SSBP2: variants seen among roughly 807,000 people sequenced by gnomAD.
SSBP2 encodes single stranded DNA binding protein 2.
Under a neutral mutation model 61.8 loss-of-function variants are expected in SSBP2, and 17 were observed. That is an observed-to-expected ratio of 0.28 (90% CI 0.19 to 0.41). The LOEUF is 0.41. Among genes scored for constraint, SSBP2 ranks in the 10% least tolerant of loss-of-function variants. SSBP2 has a pLI of 1.00. For synonymous variants in SSBP2, 139 were observed against 141.3 expected (o/e 0.98, Z 0.12); for missense variants, 310 against 458.7 (o/e 0.68, Z 2.96).
intron 4 of SSBP2, among the ~76,000 whole-genome samples, chr5:81,560,342 A>C (rs999641921): frequency 1.3e-5 from 2 of 152,178 alleles, no homozygotes; most frequent in African/African-American, 4.8e-5. Context: ...TTTAGATAGG[A>C]ACAGTCCTGT....
intron 4 of SSBP2, among the ~76,000 whole-genome samples, chr5:81,545,641 G>A (rs1274918848): frequency 1.3e-5 from 2 of 152,010 alleles, no homozygotes; most frequent in Non-Finnish European, 2.9e-5. Context: ...ATATACTCTG[G>A]GATATATATA....
intron 15 of SSBP2, among the ~76,000 whole-genome samples, chr5:81,436,096 G>A (rs764602192): frequency 1.3e-5 from 2 of 149,966 alleles, no homozygotes; most frequent in African/African-American, 2.5e-5. Flanking sequence ...GCTGAGATAG[G>A]AGAATTGCTT....
chr5:81,597,656 C>T (rs1459434999), intron 4 of SSBP2, among the ~76,000 whole-genome samples: 6 of 152,112 alleles, frequency 3.9e-5, no homozygotes, highest in Admixed American at 1.3e-4. Context: ...GGCACACATA[C>T]ACCATGGAAT....
rs949192264 is a variant in SSBP2 at position 81,730,518 on chromosome 5, C to T, written c.62+20463G>A. On this transcript the variant is annotated intron_variant, in intron 1 of 16. Coordinates refer to ENST00000320672, the MANE Select transcript of SSBP2 (RefSeq NM_012446.5). ...GCTATTGCAGGCCTGAGCCACCACA[C>T]CTGGTCTTGAAATGTTTACATAGTC... 3.9e-4 allele frequency among the ~76,000 whole-genome samples: 60 copies of T among 152,312 alleles called. 1 individual carries two copies. Among genetic ancestry groups the T allele is most frequent in the African/African-American group, 1.3e-3 (54 of 41,576 alleles).
At chr5:81,594,140 G>C (rs192486054) in intron 4 of SSBP2, among the ~76,000 whole-genome samples, 113 of 152,298 alleles carry the variant, frequency 7.4e-4, no homozygotes, top group African/African-American at 2.6e-3. Flanking sequence ...TAAAGGGATA[G>C]AAGAAGATCT....
intron 16 of SSBP2, 55 bp downstream of exon 16, chr5:81,428,530 G>T: frequency 7.2e-7 from 1 of 1,390,574 alleles, no homozygotes; most frequent in Non-Finnish European, 1.0e-6. Context: ...ATTTATTCTA[G>T]CAGAAGAGCT....
intron 4 of SSBP2, among the ~76,000 whole-genome samples, chr5:81,528,453 A>G (rs1770129196): frequency 6.6e-6 from 1 of 152,052 alleles, no homozygotes; most frequent in African/African-American, 2.4e-5. Context: ...TTAACATTCA[A>G]TGTTAAGTTA....
intron 4 of SSBP2, among the ~76,000 whole-genome samples, chr5:81,547,949 G>C (rs1237673080): frequency 6.6e-6 from 1 of 152,050 alleles, no homozygotes; most frequent in Non-Finnish European, 1.5e-5. Context: ...GGATTTTTAG[G>C]GCAGTGAAAC....
At position 81,751,037 on chromosome 5, in the gene SSBP2, G is replaced by C; in HGVS notation, c.6C>G (p.Tyr2Ter). The C allele has an allele frequency of 6.3e-7, 1 of 1,595,140 alleles. No individual in the cohort carries two copies. The change falls in exon 1 of 17, where the codon TAC becomes TAG. Residue 2 changes from tyrosine (Y) to a stop codon, truncating the protein, a stop_gained. Coordinates refer to ENST00000320672, the MANE Select transcript of SSBP2 (RefSeq NM_012446.5). LOFTEE classifies it high-confidence loss of function. The stretch of plus-strand genomic sequence containing the variant: ...CGCTGCTGTTACTCTTGCCTTTGCC[G>C]TACATGCTTGTGCCGAGAGCAGCTC...
At chr5:81,510,404 C>G (rs1308957873) in intron 5 of SSBP2, among the ~76,000 whole-genome samples, 1 of 152,150 alleles carries the variant, frequency 6.6e-6, no homozygotes, top group Non-Finnish European at 1.5e-5. Flanking sequence ...TTCTGTCTCT[C>G]AAATCTACTT....
intron 13 of SSBP2, among the ~76,000 whole-genome samples, chr5:81,442,364 T>C (rs1763089897): frequency 6.6e-6 from 1 of 152,104 alleles, no homozygotes; most frequent in Non-Finnish European, 1.5e-5. Flanking sequence ...ACATAACCTG[T>C]CATTTTCAAA....
intron 6 of SSBP2, among the ~76,000 whole-genome samples, chr5:81,481,345 G>A (rs113007521): frequency 0.016 from 2,488 of 152,224 alleles, 44 homozygotes; most frequent in South Asian, 0.098. Context: ...GAACTGGACG[G>A]GTGCAGTGGC....
At chr5:81,561,857 T>C (rs1183560447) in intron 4 of SSBP2, among the ~76,000 whole-genome samples, 2 of 152,178 alleles carry the variant, frequency 1.3e-5, no homozygotes, top group Non-Finnish European at 2.9e-5. Context: ...AAAAATCACA[T>C]AAAACATGAA....
intron 3 of SSBP2, among the ~76,000 whole-genome samples, chr5:81,633,108 CTTTTTTTTTTTTTTTTT>C (rs143423636): frequency 1.5e-5 from 1 of 64,830 alleles, no homozygotes. Context: ...GAGCCTCTGT[CTTTTTTTTTTTTTTTTT>C]TTTTTTTTTT....
At chr5:81,675,477 G>A (rs547553435) in intron 1 of SSBP2, among the ~76,000 whole-genome samples, 5 of 152,238 alleles carry the variant, frequency 3.3e-5, no homozygotes, top group South Asian at 2.1e-4. Context: ...CCATTTTAGG[G>A]ATGCCAAAAT....
chr5:81,725,351 T>C (rs1323398542), intron 1 of SSBP2, among the ~76,000 whole-genome samples: 1 of 152,096 alleles, frequency 6.6e-6, no homozygotes, highest in Non-Finnish European at 1.5e-5. Flanking sequence ...AAAAATATAA[T>C]GTAAGTTAAT....
chr5:81,672,238 C>T (rs1751627936), intron 1 of SSBP2, among the ~76,000 whole-genome samples: 1 of 148,728 alleles, frequency 6.7e-6, no homozygotes, highest in African/African-American at 2.4e-5. Context: ...TAAAATAAGC[C>T]TTATATGCAC....
Position 81,612,178 on chromosome 5 carries a change from G to A in SSBP2, c.282+3295C>T, listed in dbSNP as rs1174620235. Among the ~76,000 whole-genome samples the A allele has an allele frequency of 2.0e-5, 3 of 152,192 alleles. No homozygotes were observed. In the East Asian group the frequency reaches 5.8e-4, roughly 29 times the overall value. ...ATGTCAATCATACCTCAGTAACGTG[G>A]TTAAAAATAAATTTTAGAATGGCTG... On this transcript the variant is annotated intron_variant, in intron 4 of 16. Coordinates refer to ENST00000320672, the MANE Select transcript of SSBP2 (RefSeq NM_012446.5).
chr5:81,503,624 T>C (rs1767964812), intron 5 of SSBP2, among the ~76,000 whole-genome samples: 1 of 152,180 alleles, frequency 6.6e-6, no homozygotes. Context: ...GCAATCCTGT[T>C]ACTGGGTACA....
Sources: gnomAD v4.1 joint callset for allele counts (sites outside exome capture counted in the v4.1 genomes callset) on GRCh38, gnomAD v4.1.1 for gene constraint, MANE v1.5 for transcripts, NCBI Gene and HGNC (gene_info 2026-07-23, HGNC 2026-07-21) for gene names.